Variants in NRG3 observed in about 807,000 individuals in gnomAD.
NRG3 encodes the protein neuregulin 3.
A neutral mutation model predicts 66.9 loss-of-function variants in NRG3; 31 were observed. The ratio of observed to expected loss-of-function variants is 0.46; its 90% CI spans 0.35 to 0.63. The LOEUF (loss-of-function observed/expected upper bound fraction) is 0.63. NRG3 is among the 20% of genes least tolerant of loss of function. The pLI is 0.00. For synonymous variants in NRG3, 393 were observed against 359.4 expected (o/e 1.09, Z -1.06); for missense variants, 910 against 878.9 (o/e 1.04, Z -0.45).
At chr10:82,331,442 C>T (rs1177205247) in intron 1 of NRG3, among the ~76,000 whole-genome samples, 1 of 152,140 alleles carries the variant, frequency 6.6e-6, no homozygotes, top group African/African-American at 2.4e-5. Flanking sequence ...CTCAGTATTT[C>T]CTAAACTGTG....
chr10:82,807,930 CT>C, intron 3 of NRG3, among the ~76,000 whole-genome samples: 1 of 152,148 alleles, frequency 6.6e-6, no homozygotes, highest in East Asian at 1.9e-4. Flanking sequence ...TTTACAAATC[CT>C]TTTTCTTTCT....
rs111360709 is a variant in NRG3 at position 82,391,842 on chromosome 10, C to G, written c.953+32974C>G. On this transcript the variant is annotated intron_variant, in intron 2 of 8. Transcript: ENST00000372141. ...AATACACACCCTTTCTAGGTACCTA[C>G]AGGTCTTCTGCAAAAGCAGCCATAC... Among the ~76,000 whole-genome samples, 848 of 152,120 alleles carry G rather than the reference C, an allele frequency of 5.6e-3. 8 individuals are homozygous for G. The highest frequency in any genetic ancestry group is 0.02 in the African/African-American group (821 of 41,504).
At chr10:82,358,566 T>A (rs17099846) in intron 1 of NRG3, among the ~76,000 whole-genome samples, 173 bp from the exon 2 acceptor site, 27,425 of 152,016 alleles carry the variant, frequency 0.18, 2,866 homozygotes, top group East Asian at 0.28. Flanking sequence ...AATATAGTGG[T>A]TACAGCCAGC....
chr10:82,847,119 G>GGAA (rs1246072708), intron 3 of NRG3, among the ~76,000 whole-genome samples: 2 of 152,174 alleles, frequency 1.3e-5, no homozygotes, highest in Non-Finnish European at 2.9e-5. Context: ...TCGAATTGCA[G>GGAA]GAAGGCTGCT....
chr10:82,040,639 C>G (rs1428331619), intron 1 of NRG3, among the ~76,000 whole-genome samples: 1 of 151,824 alleles, frequency 6.6e-6, no homozygotes, highest in Admixed American at 6.6e-5. Flanking sequence ...GGAGAAGAAC[C>G]CCACAGAGAT....
chr10:82,015,409 C>T (rs2061743627), intron 1 of NRG3, among the ~76,000 whole-genome samples: 1 of 152,142 alleles, frequency 6.6e-6, no homozygotes, highest in Non-Finnish European at 1.5e-5. Context: ...GAACAAATCT[C>T]ATCAATATGA....
intron 1 of NRG3, among the ~76,000 whole-genome samples, chr10:82,282,892 C>G (rs995171384): frequency 6.6e-6 from 1 of 152,034 alleles, no homozygotes; most frequent in Non-Finnish European, 1.5e-5. Flanking sequence ...CAAGAAACAC[C>G]TGCAGAGGAG....
chr10:82,398,524 T>TGAGAGAGA (rs1488757627), intron 2 of NRG3, among the ~76,000 whole-genome samples: 153 of 141,214 alleles, frequency 1.1e-3, no homozygotes, highest in African/African-American at 3.8e-3. Flanking sequence ...TGTGTGTGTG[T>TGAGAGAGA]GTGAGAGAGA....
At chr10:82,857,252 T>C (rs980849899) in intron 3 of NRG3, among the ~76,000 whole-genome samples, 1 of 152,214 alleles carries the variant, frequency 6.6e-6, no homozygotes, top group African/African-American at 2.4e-5. Flanking sequence ...CATCCTTTGA[T>C]ACAAATCAAC....
chr10:82,252,060 C>A (rs1294245554), intron 1 of NRG3, among the ~76,000 whole-genome samples: 2 of 152,216 alleles, frequency 1.3e-5, no homozygotes, highest in Non-Finnish European at 2.9e-5. Context: ...GACTCAGAGA[C>A]TGAGGCCTTC....
intron 1 of NRG3, among the ~76,000 whole-genome samples, chr10:82,047,030 CT>C (rs35013167): frequency 6.7e-6 from 1 of 149,870 alleles, no homozygotes; most frequent in African/African-American, 2.4e-5. Context: ...CTAAAATTCT[CT>C]TTCTTGGTTG....
intron 1 of NRG3, among the ~76,000 whole-genome samples, chr10:82,153,857 GTCT>G (rs752929207): frequency 2.6e-5 from 4 of 151,734 alleles, no homozygotes; most frequent in Non-Finnish European, 5.9e-5. Context: ...CCATTTGTAT[GTCT>G]TCTTTTAATA....
At position 82,291,173 on chromosome 10, in the gene NRG3, C is replaced by T. The variant is rs139837252; in HGVS notation, c.824-67566C>T. Among the ~76,000 whole-genome samples the T allele has an allele frequency of 9.4e-3, 1,429 of 151,666 alleles. 29 individuals are homozygous for T. Among genetic ancestry groups the T allele is most frequent in the African/African-American group, 0.033 (1,358 of 41,312 alleles). On this transcript the variant is annotated intron_variant, in intron 1 of 8. Transcript: ENST00000372141. ...GATTAACAACACACACACACACACA[C>T]GCACGCACCAGTCACATTTTTATAT...
In NRG3 at chr10:82,318,986, AAAACAGACCTCCC is replaced by A. The variant is rs202118114; in HGVS notation, c.824-39747_824-39735del. Among the ~76,000 whole-genome samples the A allele has an allele frequency of 4.7e-3, 720 of 152,326 alleles. 5 individuals carry two copies. The highest frequency in any genetic ancestry group is 0.017 in the African/African-American group (690 of 41,562). ...ATACCAGGCTTTTCCTTGTGCAGAA[AAAACAGACCTCCC>A]AAACATGTTTATTTTGGTCTAATAC... On this transcript the variant is annotated intron_variant, in intron 1 of 8. Transcript: ENST00000372141.
intron 1 of NRG3, among the ~76,000 whole-genome samples, chr10:82,003,988 AACACACACACACACACACACACACACAC>A (rs746699197): frequency 1.5e-5 from 2 of 134,338 alleles, no homozygotes; most frequent in African/African-American, 2.8e-5. Context: ...CCTGACTGAA[AACACACACACACACACACACACACACAC>A]ACACACACAC....
At chr10:82,018,669 C>T (rs1028049741) in intron 1 of NRG3, among the ~76,000 whole-genome samples, 66 of 151,928 alleles carry the variant, frequency 4.3e-4, no homozygotes, top group African/African-American at 1.2e-3. Flanking sequence ...TAAGTTGGAT[C>T]CCTAGGTATT....
In NRG3 at chr10:82,636,462, A is replaced by G. The variant is rs539501502; in HGVS notation, c.954-102115A>G. 6.2e-4 allele frequency among the ~76,000 whole-genome samples: 94 copies of G among 152,334 alleles called. 3 individuals carry two copies. In the South Asian group the frequency reaches 0.017, roughly 28 times the overall value. ...AATGTCTTTTTGTACCAGAAAGCAAAGGAGTTCTCAAAAAGAATGATGAGA... is the reference window on the plus strand; with the variant it reads ...AATGTCTTTTTGTACCAGAAAGCAAGGGAGTTCTCAAAAAGAATGATGAGA... On this transcript the variant is annotated intron_variant, in intron 2 of 8. Coordinates refer to ENST00000372141, the MANE Select transcript of NRG3 (RefSeq NM_001010848.4).
At chr10:82,303,869 A>T in intron 1 of NRG3, among the ~76,000 whole-genome samples, 1 of 152,234 alleles carries the variant, frequency 6.6e-6, no homozygotes, top group Non-Finnish European at 1.5e-5. Flanking sequence ...CCTGTCTCAA[A>T]AAATAAATAA....
chr10:82,451,049 A>G (rs2090997604), intron 2 of NRG3, among the ~76,000 whole-genome samples: 1 of 152,232 alleles, frequency 6.6e-6, no homozygotes, highest in Non-Finnish European at 1.5e-5. Context: ...ACAAAAAAGA[A>G]TAGCAATATA....
Sources: gnomAD v4.1 joint callset for allele counts (sites outside exome capture counted in the v4.1 genomes callset) on GRCh38, gnomAD v4.1.1 for gene constraint, MANE v1.5 for transcripts, NCBI Gene and HGNC (gene_info 2026-07-23, HGNC 2026-07-21) for gene names.